Variants in FRMPD1 observed in about 807,000 individuals in gnomAD.
FRMPD1 encodes FERM and PDZ domain containing 1, also known as FERM and PDZ domain-containing protein 1.
Under a neutral mutation model 117.8 loss-of-function variants are expected in FRMPD1, and 76 were observed. The ratio of observed to expected loss-of-function variants is 0.65; its 90% CI spans 0.54 to 0.78. The LOEUF is 0.78. Ranked by LOEUF, FRMPD1 falls within the 30% of genes least tolerant of loss-of-function variation. The pLI is 0.00. For missense variants in FRMPD1, 1,786 were observed against 1,964.5 expected, an observed-to-expected ratio of 0.91 and a Z score of 1.72; for synonymous variants, 783 against 770.4, an observed-to-expected ratio of 1.02 and a Z score of -0.27.
chr9:37,736,956 T>A, intron 13 of FRMPD1, 140 bp from the exon 14 acceptor site: 1 of 666,014 alleles, frequency 1.5e-6, no homozygotes, highest in South Asian at 1.8e-5. Context: ...CAAGTGAGGA[T>A]ATGGGGCACC....
In FRMPD1 at chr9:37,746,536, G is replaced by T. The variant is rs1292531798; in HGVS notation, c.4504G>T (p.Gly1502Cys). ...DTFQHLVQLA[G>C]LCFQFTDCSR... ...CTTCCAGCACCTGGTCCAGCTGGCCGGCCTGTGCTTTCAGTTCACAGACTG... is the reference window on the plus strand; with the variant it reads ...CTTCCAGCACCTGGTCCAGCTGGCCTGCCTGTGCTTTCAGTTCACAGACTG... The change falls in exon 16 of 16, where the codon GGC becomes TGC. Residue 1502 changes from glycine (G) to cysteine (C), a missense_variant. Physicochemically the swap from Gly to Cys is radical, Grantham distance 159. Transcript: ENST00000377765. 2 of 1,613,590 alleles carry T rather than the reference G, an allele frequency of 1.2e-6. No individual in the cohort carries two copies. Among genetic ancestry groups the T allele is most frequent in the Non-Finnish European group, 1.7e-6 (2 of 1,179,970 alleles).
At chr9:37,603,274 T>C in the FRMPD1 span, among the ~76,000 whole-genome samples, 1 of 152,210 alleles carries the variant, frequency 6.6e-6, no homozygotes, top group Admixed American at 6.5e-5. Context: ...CTACAGTCTC[T>C]TCCAGGATTG....
At chr9:37,732,950 G>A (rs1211022540) in intron 10 of FRMPD1, among the ~76,000 whole-genome samples, 2 of 152,132 alleles carry the variant, frequency 1.3e-5, no homozygotes, top group African/African-American at 2.4e-5. Flanking sequence ...ATCAGATGGG[G>A]AATCATATTT....
intron 5 of FRMPD1, among the ~76,000 whole-genome samples, chr9:37,716,864 C>T (rs1823142546): frequency 6.6e-6 from 1 of 152,110 alleles, no homozygotes; most frequent in Non-Finnish European, 1.5e-5. Flanking sequence ...CTTGACCTTG[C>T]CCCCCAAATT....
At chr9:37,725,478 T>C (rs1823581978) in intron 7 of FRMPD1, among the ~76,000 whole-genome samples, 1 of 152,228 alleles carries the variant, frequency 6.6e-6, no homozygotes, top group Non-Finnish European at 1.5e-5. Context: ...ATGTACAATG[T>C]ACATACACCT....
chr9:37,678,592 T>C (rs1402792011), intron 1 of FRMPD1, among the ~76,000 whole-genome samples: 1 of 152,158 alleles, frequency 6.6e-6, no homozygotes, highest in Non-Finnish European at 1.5e-5. Flanking sequence ...CTTAATTTCC[T>C]TTTTTGTTCA....
At chr9:37,708,564 ACAG>A in intron 4 of FRMPD1, 63 bp downstream of exon 4, 4 of 990,296 alleles carry the variant, frequency 4.0e-6, no homozygotes, top group Non-Finnish European at 6.5e-6. Context: ...AAGATGGGCA[ACAG>A]GAATGGCATA....
the FRMPD1 span, among the ~76,000 whole-genome samples, chr9:37,635,551 G>A: frequency 6.6e-6 from 1 of 152,120 alleles, no homozygotes. Context: ...TGCCTGACAT[G>A]ACACCAGAGG....
chr9:37,745,511 C>T lies in FRMPD1; in HGVS notation c.3479C>T (p.Ser1160Phe), dbSNP rs867116014. The change falls in exon 16 of 16, where the codon TCC becomes TTC. Residue 1160 changes from serine (S) to phenylalanine (F), a missense_variant. By Grantham distance (155) the Ser-to-Phe change is radical. Transcript: ENST00000377765. ...ISSPAGKIVT[S>F]LSLDAPVTGT... Reference sequence around the variant, plus strand: ...TCTCCAGCTGGTAAAATAGTAACCTCCCTTTCTTTAGATGCTCCTGTAACA... The same window carrying T: ...TCTCCAGCTGGTAAAATAGTAACCTTCCTTTCTTTAGATGCTCCTGTAACA... 1 of 1,614,014 alleles carries T rather than the reference C, an allele frequency of 6.2e-7. No individual in the cohort carries two copies. The highest frequency in any genetic ancestry group is 2.2e-5 in the East Asian group (1 of 44,896).
rs118138160 is a variant in FRMPD1 at position 37,662,317 on chromosome 9, C to T, written c.-5+11223C>T. Reference sequence around the variant, plus strand: ...CCAAACATCCCCTATTAGGCCCCACCGCCCATCACTGCCATATTGGGGATC... The same window carrying T: ...CCAAACATCCCCTATTAGGCCCCACTGCCCATCACTGCCATATTGGGGATC... On this transcript the variant is annotated intron_variant, in intron 1 of 15. Transcript: ENST00000377765. Among the ~76,000 whole-genome samples the T allele has an allele frequency of 1.1e-3, 160 of 152,306 alleles. 2 individuals carry two copies. In the East Asian group the frequency reaches 0.02, roughly 19 times the overall value.
chr9:37,739,607 A>T (rs1029516694), intron 14 of FRMPD1, among the ~76,000 whole-genome samples: 1 of 152,128 alleles, frequency 6.6e-6, no homozygotes, highest in African/African-American at 2.4e-5. Context: ...CTAAAAATAC[A>T]GATTCTCAGG....
chr9:37,667,683 C>T (rs907750789), intron 1 of FRMPD1, among the ~76,000 whole-genome samples: 3 of 97,040 alleles, frequency 3.1e-5, no homozygotes, highest in Non-Finnish European at 5.7e-5. Context: ...GACTCTGTCT[C>T]AAAAAAAGAA....
chr9:37,719,647 G>A (rs1002485119), intron 6 of FRMPD1, among the ~76,000 whole-genome samples: 4 of 152,200 alleles, frequency 2.6e-5, no homozygotes, highest in Non-Finnish European at 5.9e-5. Flanking sequence ...TGCAAGGGAG[G>A]TGTTTTAACA....
At chr9:37,656,765 A>G (rs891226131) in intron 1 of FRMPD1, among the ~76,000 whole-genome samples, 2 of 152,048 alleles carry the variant, frequency 1.3e-5, no homozygotes, top group African/African-American at 2.4e-5. Flanking sequence ...GCAGATTGAT[A>G]TGAGGGCAGA....
intron 5 of FRMPD1, among the ~76,000 whole-genome samples, chr9:37,714,926 G>C (rs1823055861): frequency 6.6e-6 from 1 of 152,172 alleles, no homozygotes; most frequent in Non-Finnish European, 1.5e-5. Context: ...GGGATTACAG[G>C]TGTGAGTCAC....
At chr9:37,653,680 T>C (rs1402164135) in intron 1 of FRMPD1, among the ~76,000 whole-genome samples, 1 of 152,158 alleles carries the variant, frequency 6.6e-6, no homozygotes, top group Non-Finnish European at 1.5e-5. Context: ...TCTAAATATA[T>C]CAGCTTTGTC....
rs145157686 is a variant in FRMPD1 at position 37,740,433 on chromosome 9, C to T, written c.1905C>T (p.Leu635=). Residue 635 remains leucine (L), a synonymous_variant, in exon 15 of 16, where the codon CTC becomes CTT. Coordinates refer to ENST00000377765, the MANE Select transcript of FRMPD1 (RefSeq NM_014907.3). This position sits in a 1 kb window ranked among gnomAD's most constrained non-coding sequence, Gnocchi z 4.2. The part of the protein sequence containing the change: ...STFFHFGSPG[L]AESIDSDSQE... ...TCTTCCACTTTGGCTCGCCAGGCCTCGCAGAGAGCATTGACTCTGACAGCC... is the reference window on the plus strand; with the variant it reads ...TCTTCCACTTTGGCTCGCCAGGCCTTGCAGAGAGCATTGACTCTGACAGCC... 1.7e-5 allele frequency: 27 copies of T among 1,614,024 alleles called. No homozygotes were observed. Among genetic ancestry groups the T allele is most frequent in the South Asian group, 2.2e-5 (2 of 91,080 alleles).
chr9:37,631,744 C>A, the FRMPD1 span, among the ~76,000 whole-genome samples: 1 of 152,132 alleles, frequency 6.6e-6, no homozygotes, highest in Non-Finnish European at 1.5e-5. Context: ...GCTGGGACTG[C>A]AGGCGCATGC....
At chr9:37,664,340 A>T (rs1474455780) in intron 1 of FRMPD1, among the ~76,000 whole-genome samples, 1 of 151,970 alleles carries the variant, frequency 6.6e-6, no homozygotes, top group East Asian at 1.9e-4. Flanking sequence ...AAGTTCCGGG[A>T]TACATGTGGA....
Sources: gnomAD v4.1 joint callset for allele counts (sites outside exome capture counted in the v4.1 genomes callset) on GRCh38, gnomAD v4.1.1 for gene constraint, Gnocchi (gnomAD v3.1) non-coding constraint, MANE v1.5 for transcripts, NCBI Gene and HGNC (gene_info 2026-07-23, HGNC 2026-07-21) for gene names.